The following DEXI variants were observed in gnomAD, a reference collection of about 807,000 sequenced individuals.
DEXI encodes the protein dexamethasone-induced protein.
In DEXI, 2 loss-of-function variants were observed where a neutral mutation model predicts 2.5. The ratio of observed to expected loss-of-function variants is 0.81; its 90% CI spans 0.33 to 2.55. The LOEUF (loss-of-function observed/expected upper bound fraction) is 2.55, where lower values mean the gene tolerates loss of function less well. DEXI is among the 30% of genes most tolerant of loss of function. The probability of loss-of-function intolerance (pLI) is 0.11; values close to 1 mark genes in which losing one functional copy is unlikely to be tolerated. For synonymous variants in DEXI, 71 were observed against 68.7 expected, an observed-to-expected ratio of 1.03 and a Z score of -0.17; for missense variants, 108 against 130.3, an observed-to-expected ratio of 0.83 and a Z score of 0.83.
In DEXI at chr16:10,941,934, C is replaced by A; in HGVS notation, c.72G>T (p.Leu24=). The A allele has an allele frequency of 6.3e-7, 1 of 1,590,920 alleles. No homozygotes were observed. Among genetic ancestry groups the A allele is most frequent in the Non-Finnish European group, 8.5e-7 (1 of 1,169,742 alleles). Residue 24 remains leucine, a synonymous_variant, in exon 1 of 2, where the codon CTG becomes CTT. Coordinates refer to ENST00000331808, the MANE Select transcript of DEXI (RefSeq NM_014015.4). This position sits in a 1 kb window ranked among gnomAD's most constrained non-coding sequence, Gnocchi z 6.4. The stretch of plus-strand genomic sequence containing the variant: ...GGCCCACGTAGAACATAGAGGGCAG[C>A]AGCGGCGGCGGCACGTAGGGGACCA... ...GPLVPYVPPP[L]LPSMFYVGLF... is the part of the protein sequence containing the mutation.
At chr16:10,935,609 A>G (rs1438549331) in intron 1 of DEXI, 1 of 152,268 alleles carries the variant, frequency 6.6e-6, no homozygotes, top group Non-Finnish European at 1.5e-5. Context: ...GAATAATAGT[A>G]ACTTGACAGT....
intron 1 of DEXI, chr16:10,936,607 T>C (rs1442500529): frequency 6.6e-6 from 1 of 152,218 alleles, no homozygotes; most frequent in Non-Finnish European, 1.5e-5. Flanking sequence ...CAGAGGTTTT[T>C]GTTTGTTTGT....
chr16:10,942,180 G>A lies in DEXI; in HGVS notation c.-175C>T. ...TGCGCCCCGACCCCCGAAATGCGCCGGGCGGGTCACCGCACCCCGAGATGT... is the reference window on the plus strand; with the variant it reads ...TGCGCCCCGACCCCCGAAATGCGCCAGGCGGGTCACCGCACCCCGAGATGT... On this transcript the variant is annotated 5_prime_UTR_variant, in exon 1 of 2. Transcript: ENST00000331808. The surrounding 1 kb of genome is among the most constrained non-coding windows in gnomAD (Gnocchi z 5.0). The A allele has an allele frequency of 2.0e-6, 1 of 495,684 alleles. No homozygotes were observed. Among genetic ancestry groups the A allele is most frequent in the Non-Finnish European group, 3.3e-6 (1 of 306,326 alleles). 30.7% of individuals were successfully genotyped at this position (495,684 alleles called of 1,614,324 possible).
intron 1 of DEXI, chr16:10,935,387 A>T (rs1019498449): frequency 6.6e-6 from 1 of 152,236 alleles, no homozygotes; most frequent in East Asian, 1.9e-4. Flanking sequence ...TTTAACAAAG[A>T]ATACAGGCCA....
At position 10,929,436 on chromosome 16, in the gene DEXI, C is replaced by G. The variant is rs1481891990; in HGVS notation, c.*273G>C. ...AGATGAGGTCTTGGGATGCCTCTTG[C>G]GTTCCCCCTTCTGTGGGAGCAGGTG... On this transcript the variant is annotated 3_prime_UTR_variant, in exon 2 of 2. Transcript: ENST00000331808. The surrounding 1 kb of genome is among the most constrained non-coding windows in gnomAD (Gnocchi z 4.3). 1 of 985,756 alleles carries G rather than the reference C, an allele frequency of 1.0e-6. No individual in the cohort carries two copies. Among genetic ancestry groups the G allele is most frequent in the Admixed American group, 6.1e-5 (1 of 16,264 alleles). 61.1% of individuals were successfully genotyped at this position (985,756 alleles called of 1,614,324 possible).
rs533319858 is a variant in DEXI, at chr16:10,940,376, C to G, written c.*149+1193G>C. ...TCTGTTATAGCAGACTGAACTAAGA[C>G]ACCCTCTGCCTGTGGTTGTCTTGGC... On this transcript the variant is annotated intron_variant, in intron 1 of 1. Transcript: ENST00000331808. This position sits in a 1 kb window ranked among gnomAD's most constrained non-coding sequence, Gnocchi z 4.2. 1 of 152,374 alleles carries G rather than the reference C, an allele frequency of 6.6e-6. No individual in the cohort carries two copies. The highest frequency in any genetic ancestry group is 2.4e-5 in the African/African-American group (1 of 41,580). 9.4% of individuals were successfully genotyped at this position (152,374 alleles called of 1,614,324 possible).
chr16:10,932,219 C>G (rs558700211), intron 1 of DEXI: 1 of 152,226 alleles, frequency 6.6e-6, no homozygotes, highest in African/African-American at 2.4e-5. Flanking sequence ...AGAGATCAAC[C>G]CCTTCGCTCC....
chr16:10,939,188 C>G lies in DEXI; in HGVS notation c.*149+2381G>C, dbSNP rs527648071. Reference sequence around the variant, plus strand: ...ATAGGTTCTACTTTTGAGAGTTGTTCTCAGTCTGTTCATGTTTCTCTATCT... The same window carrying G: ...ATAGGTTCTACTTTTGAGAGTTGTTGTCAGTCTGTTCATGTTTCTCTATCT... On this transcript the variant is annotated intron_variant, in intron 1 of 1. Coordinates refer to ENST00000331808, the MANE Select transcript of DEXI (RefSeq NM_014015.4). This position sits in a 1 kb window ranked among gnomAD's most constrained non-coding sequence, Gnocchi z 4.9. 1.3e-5 allele frequency: 2 copies of G among 152,372 alleles called. No homozygotes were observed. The highest frequency in any genetic ancestry group is 6.5e-5 in the Admixed American group (1 of 15,300). 9.4% of individuals were successfully genotyped at this position (152,372 alleles called of 1,614,324 possible). A position where few individuals can be genotyped will look rare whatever the true frequency, so the allele number is the denominator to read the frequency against.
intron 1 of DEXI, chr16:10,935,127 G>A (rs1372771172): frequency 6.6e-6 from 1 of 152,260 alleles, no homozygotes; most frequent in Non-Finnish European, 1.5e-5. Flanking sequence ...GAAGGAAACC[G>A]AGGCTTAGGA....
rs1420542605 is a variant in DEXI at position 10,937,402 on chromosome 16, G to C, written c.*149+4167C>G. On this transcript the variant is annotated intron_variant, in intron 1 of 1. Coordinates refer to ENST00000331808, the MANE Select transcript of DEXI (RefSeq NM_014015.4). This position sits in a 1 kb window ranked among gnomAD's most constrained non-coding sequence, Gnocchi z 4.2. The stretch of plus-strand genomic sequence containing the variant: ...GGGCAGCTCTATGTCCGGCACAGGG[G>C]TTCTGCTGATAGCACAGGCCACAGA... 6.6e-6 allele frequency: 1 copy of C among 152,386 alleles called. No homozygotes were observed. The highest frequency in any genetic ancestry group is 1.5e-5 in the Non-Finnish European group (1 of 68,168). 9.4% of individuals were successfully genotyped at this position (152,386 alleles called of 1,614,324 possible).
At position 10,940,040 on chromosome 16, in the gene DEXI, C is replaced by G. The variant is rs1282273997; in HGVS notation, c.*149+1529G>C. 1.3e-5 allele frequency: 2 copies of G among 152,260 alleles called. No homozygotes were observed. Among genetic ancestry groups the G allele is most frequent in the African/African-American group, 4.8e-5 (2 of 41,460 alleles). The allele number at this position is 152,260 out of a possible 1,614,324, so 9.4% of individuals were successfully genotyped here. On this transcript the variant is annotated intron_variant, in intron 1 of 1. Transcript: ENST00000331808. The surrounding 1 kb of genome is among the most constrained non-coding windows in gnomAD (Gnocchi z 4.2). ...CACTCCCCCTGGCACTTGGTTCTCGCTAAGATGTTACTGAGCTCAACTGAA... is the reference window on the plus strand; with the variant it reads ...CACTCCCCCTGGCACTTGGTTCTCGGTAAGATGTTACTGAGCTCAACTGAA...
chr16:10,936,330 C>A (rs563170302), intron 1 of DEXI: 19 of 152,196 alleles, frequency 1.2e-4, no homozygotes, highest in African/African-American at 4.3e-4. Flanking sequence ...TTTGACAACC[C>A]TACTGTGGTT....
In DEXI at chr16:10,938,338, G is replaced by A. The variant is rs74245513; in HGVS notation, c.*149+3231C>T. The stretch of plus-strand genomic sequence containing the variant: ...AAGTAGGTGCTCAGCAAATGTTTGA[G>A]GAACTGAATTATGTGGGTCCACACA... On this transcript the variant is annotated intron_variant, in intron 1 of 1. Transcript: ENST00000331808. The surrounding 1 kb of genome is among the most constrained non-coding windows in gnomAD (Gnocchi z 4.9). The A allele has an allele frequency of 0.12, 18,393 of 151,234 alleles. 1,131 individuals carry two copies. Among genetic ancestry groups the A allele is most frequent in the African/African-American group, 0.14 (5,595 of 41,160 alleles). 9.4% of individuals were successfully genotyped at this position (151,234 alleles called of 1,614,324 possible).
chr16:10,933,527 T>C (rs1327424412), intron 1 of DEXI: 2 of 152,314 alleles, frequency 1.3e-5, no homozygotes, highest in African/African-American at 4.8e-5. Flanking sequence ...CCACCCTCTC[T>C]GGGCCAGTTT....
chr16:10,929,773 C>T lies in DEXI; in HGVS notation c.*150-214G>A, dbSNP rs2145296837. ...ATAAAACTCTTTTTAATGAATTTGC[C>T]TAATTTCTCAGAGACCCTGGGCTGG... On this transcript the variant is annotated intron_variant, in intron 1 of 1. Coordinates refer to ENST00000331808, the MANE Select transcript of DEXI (RefSeq NM_014015.4). The surrounding 1 kb of genome is among the most constrained non-coding windows in gnomAD (Gnocchi z 4.3). 1 of 161,752 alleles carries T rather than the reference C, an allele frequency of 6.2e-6. No homozygotes were observed. Among genetic ancestry groups the T allele is most frequent in the Admixed American group, 6.5e-5 (1 of 15,314 alleles). The allele number at this position is 161,752 out of a possible 1,614,324, so 10.0% of individuals were successfully genotyped here.
chr16:10,929,577 G>C lies in DEXI; in HGVS notation c.*150-18C>G, dbSNP rs1163392123. ...GAGCAGGTCTAACAAGAAGGAAAAA[G>C]GGGGGTTATTAGCACGGAAGCCCCA... On this transcript the variant is annotated intron_variant, in intron 1 of 1. Coordinates refer to ENST00000331808, the MANE Select transcript of DEXI (RefSeq NM_014015.4). This position sits in a 1 kb window ranked among gnomAD's most constrained non-coding sequence, Gnocchi z 4.3. 1 of 985,232 alleles carries C rather than the reference G, an allele frequency of 1.0e-6. No individual in the cohort carries two copies. The highest frequency in any genetic ancestry group is 1.7e-5 in the African/African-American group (1 of 57,226). 61.0% of individuals were successfully genotyped at this position (985,232 alleles called of 1,614,324 possible). A position where few individuals can be genotyped will look rare whatever the true frequency, so the allele number is the denominator to read the frequency against.
Position 10,941,426 on chromosome 16 carries a change from G to C in DEXI, c.*149+143C>G. On this transcript the variant is annotated intron_variant, in intron 1 of 1. Transcript: ENST00000331808. The surrounding 1 kb of genome is among the most constrained non-coding windows in gnomAD (Gnocchi z 6.4). ...AAACGAAGGGCTTAAGAGGAGTCTG[G>C]CCATTCCTGGCATCCAGTTAGACCT... 2 of 784,288 alleles carry C rather than the reference G, an allele frequency of 2.6e-6. No individual in the cohort carries two copies. Among genetic ancestry groups the C allele is most frequent in the Non-Finnish European group, 3.4e-6 (2 of 582,030 alleles). The allele number at this position is 784,288 out of a possible 1,614,324, so 48.6% of individuals were successfully genotyped here. A position where few individuals can be genotyped will look rare whatever the true frequency, so the allele number is the denominator to read the frequency against.
rs1475796847 is a variant in DEXI, at chr16:10,929,826, G to C, written c.*150-267C>G. On this transcript the variant is annotated intron_variant, in intron 1 of 1. Coordinates refer to ENST00000331808, the MANE Select transcript of DEXI (RefSeq NM_014015.4). The surrounding 1 kb of genome is among the most constrained non-coding windows in gnomAD (Gnocchi z 4.3). ...AACCAGTGCAATGTCACACGGGAGA[G>C]GAAGGACTGTCCTGTTTATTGGGAG... 1 of 152,732 alleles carries C rather than the reference G, an allele frequency of 6.5e-6. No homozygotes were observed. The highest frequency in any genetic ancestry group is 2.4e-5 in the African/African-American group (1 of 41,466). The allele number at this position is 152,732 out of a possible 1,614,324, so 9.5% of individuals were successfully genotyped here. A position where few individuals can be genotyped will look rare whatever the true frequency, so the allele number is the denominator to read the frequency against.
At chr16:10,936,599 G>T (rs139061643) in intron 1 of DEXI, 1 of 152,362 alleles carries the variant, frequency 6.6e-6, no homozygotes, top group East Asian at 1.9e-4. Flanking sequence ...CTTCATAACA[G>T]AGGTTTTTGT....
Sources: allele counts gnomAD v4.1 joint callset, GRCh38; gene constraint gnomAD v4.1.1; non-coding constraint Gnocchi (gnomAD v3.1); transcripts MANE v1.5; gene names NCBI Gene and HGNC (gene_info 2026-07-23, HGNC 2026-07-21).